BRI3: variants seen among roughly 807,000 people sequenced by gnomAD.
The protein encoded by BRI3 is brain protein I3, also known as membrane protein BRI3.
In BRI3, 6 loss-of-function variants were observed where a neutral mutation model predicts 12.8. The observed-to-expected ratio is 0.47, with a 90% CI of 0.26 to 0.93. The LOEUF is 0.93. Among genes scored for constraint, BRI3 ranks in the 40% least tolerant of loss-of-function variants. BRI3 has a pLI of 0.15. For missense variants in BRI3, 134 were observed against 171.1 expected (o/e 0.78, Z 1.21); for synonymous variants, 91 against 76.1 (o/e 1.20, Z -1.02).
chr7:98,307,552 TAACTA>T, exon 2 of BRI3: 2 of 1,466,382 alleles, frequency 1.4e-6, no homozygotes, highest in Middle Eastern at 2.5e-4. Flanking sequence ...TAACTTCAGT[TAACTA>T]AACTAGAACT....
chr7:98,319,939 C>T, the BRI3 span: 47 of 817,708 alleles, frequency 5.7e-5, no homozygotes, highest in Non-Finnish European at 8.7e-5. Context: ...ATCTGGGCAT[C>T]ATCAACACGG....
chr7:98,290,067 C>T (rs554967195), intron 2 of BRI3, among the ~76,000 whole-genome samples: 126 of 152,116 alleles, frequency 8.3e-4, no homozygotes, highest in African/African-American at 2.5e-3. Flanking sequence ...ACCAAAGGAA[C>T]GGAAATCGAA....
downstream of BRI3, among the ~76,000 whole-genome samples, chr7:98,312,969 G>A (rs1268284908): frequency 6.6e-6 from 1 of 152,194 alleles, no homozygotes; most frequent in Non-Finnish European, 1.5e-5. Context: ...GAGCACTCTG[G>A]TTGGGAAAGG....
At chr7:98,305,182 C>T (rs1009718606), upstream of BRI3, among the ~76,000 whole-genome samples, 18 of 149,826 alleles carry the variant, frequency 1.2e-4, no homozygotes, top group East Asian at 1.4e-3. Context: ...TGAGCCCCTG[C>T]GCCTGGCCAA....
upstream of BRI3, among the ~76,000 whole-genome samples, chr7:98,304,013 G>A (rs1418357246): frequency 6.6e-6 from 1 of 152,170 alleles, no homozygotes; most frequent in African/African-American, 2.4e-5. Flanking sequence ...GAGGTGAAAG[G>A]CTGCATGACA....
At chr7:98,320,149 A>C in the BRI3 span, 1 of 1,602,034 alleles carries the variant, frequency 6.2e-7, no homozygotes, top group Non-Finnish European at 8.5e-7. Context: ...AAAGGAAATA[A>C]ATTCATACCA....
intron 2 of BRI3, among the ~76,000 whole-genome samples, chr7:98,287,591 C>A (rs10267597): frequency 1.3e-5 from 2 of 152,082 alleles, no homozygotes; most frequent in Non-Finnish European, 2.9e-5. Context: ...TCAGGTGGGC[C>A]GGCGCCCTGG....
chr7:98,302,837 T>G (rs1800485323), upstream of BRI3, among the ~76,000 whole-genome samples: 1 of 152,218 alleles, frequency 6.6e-6, no homozygotes, highest in South Asian at 2.1e-4. Context: ...CAGGCTGGCA[T>G]GCAGTGGTAT....
At chr7:98,310,850 T>C (rs1030589796), downstream of BRI3, among the ~76,000 whole-genome samples, 1 of 152,052 alleles carries the variant, frequency 6.6e-6, no homozygotes, top group African/African-American at 2.4e-5. Context: ...CACATCTGGC[T>C]ATTTTTTGTA....
At chr7:98,320,520 G>C in the BRI3 span, among the ~76,000 whole-genome samples, 1 of 152,130 alleles carries the variant, frequency 6.6e-6, no homozygotes, top group East Asian at 1.9e-4. Flanking sequence ...ATTTTTAGTA[G>C]AGACAGGGTT....
At chr7:98,315,494 C>A in the BRI3 span, 1 of 1,517,682 alleles carries the variant, frequency 6.6e-7, no homozygotes, top group Non-Finnish European at 8.9e-7. Flanking sequence ...GTTTGCAAAG[C>A]CACAGTGCTT....
Position 98,281,770 on chromosome 7 carries a change from G to T in BRI3, c.-26G>T, listed in dbSNP as rs1799523009. On this transcript the variant is annotated 5_prime_UTR_variant, in exon 1 of 3. Coordinates refer to ENST00000297290, the MANE Select transcript of BRI3 (RefSeq NM_015379.5). ...GGGGCCGACCGAGCCGAGCCGGGCCGGAGCGGCGGGCGCGGCCGGGCCGCC... is the reference window on the plus strand; with the variant it reads ...GGGGCCGACCGAGCCGAGCCGGGCCTGAGCGGCGGGCGCGGCCGGGCCGCC... 22 of 1,068,950 alleles carry T rather than the reference G, an allele frequency of 2.1e-5. No homozygotes were observed. The South Asian group carries it at 7.9e-4, about 38-fold the overall frequency. The allele number at this position is 1,068,950 out of a possible 1,614,324, so 66.2% of individuals were successfully genotyped here.
chr7:98,293,386 T>G (rs2116768646), downstream of BRI3: 1 of 783,906 alleles, frequency 1.3e-6, no homozygotes, highest in South Asian at 1.7e-5. Context: ...AGAAGCATGA[T>G]TTGCTTAAGC....
At chr7:98,311,269 T>C (rs967072407), downstream of BRI3, among the ~76,000 whole-genome samples, 1 of 151,964 alleles carries the variant, frequency 6.6e-6, no homozygotes, top group African/African-American at 2.4e-5. Context: ...TATGGTTGGG[T>C]GCAGTGGCTC....
chr7:98,303,351 G>C (rs1211974443), upstream of BRI3, among the ~76,000 whole-genome samples: 2 of 152,130 alleles, frequency 1.3e-5, no homozygotes, highest in African/African-American at 4.8e-5. Context: ...CCTGGAGCGA[G>C]GGGTGCAGAC....
downstream of BRI3, among the ~76,000 whole-genome samples, chr7:98,294,502 G>A (rs931102885): frequency 2.0e-5 from 3 of 152,202 alleles, no homozygotes; most frequent in African/African-American, 7.2e-5. Flanking sequence ...CACCCGTGAT[G>A]TCGGGAGCTC....
intron 1 of BRI3, among the ~76,000 whole-genome samples, chr7:98,300,975 A>G (rs1320146814): frequency 6.6e-6 from 1 of 151,620 alleles, no homozygotes; most frequent in Admixed American, 6.6e-5. Context: ...CCTTGTCCTC[A>G]CCCCATGCAT....
At chr7:98,292,329 C>G, downstream of BRI3, 1 of 357,198 alleles carries the variant, frequency 2.8e-6, no homozygotes, top group South Asian at 3.1e-5. Flanking sequence ...TCAAGTGATT[C>G]TCCTGCCTCA....
chr7:98,291,045 C>T, intron 2 of BRI3, 66 bp from the exon 3 acceptor site: 2 of 1,583,068 alleles, frequency 1.3e-6, no homozygotes, highest in Admixed American at 1.7e-5. Flanking sequence ...GCAAGGGTGG[C>T]AGGGGTGAGG....
Sources: gnomAD v4.1 joint callset for allele counts (sites outside exome capture counted in the v4.1 genomes callset) on GRCh38, gnomAD v4.1.1 for gene constraint, MANE v1.5 for transcripts, NCBI Gene and HGNC (gene_info 2026-07-23, HGNC 2026-07-21) for gene names.